Variants in PDE4D observed in about 807,000 individuals in gnomAD.
PDE4D encodes 3',5'-cyclic-AMP phosphodiesterase 4D.
A neutral mutation model predicts 87.4 loss-of-function variants in PDE4D; 24 were observed. The observed-to-expected ratio is 0.27, with a 90% confidence interval of 0.20 to 0.39. The LOEUF is 0.39. Among genes scored for constraint, PDE4D ranks in the 10% least tolerant of loss-of-function variants. The pLI, the probability that PDE4D is intolerant of heterozygous loss-of-function variation, is 1.00. For synonymous variants in PDE4D, 384 were observed against 383.2 expected (o/e 1.00, Z -0.02); for missense variants, 714 against 1,041.0 (o/e 0.69, Z 4.32).
intron 1 of PDE4D, among the ~76,000 whole-genome samples, chr5:60,216,603 A>G (rs541616096): frequency 2.6e-4 from 39 of 152,260 alleles, no homozygotes; most frequent in Non-Finnish European, 5.3e-4. Context: ...TGAAACAAAT[A>G]TTCCATGTAA....
At chr5:59,097,578 A>T (rs1035954629) in intron 5 of PDE4D, among the ~76,000 whole-genome samples, 3 of 152,238 alleles carry the variant, frequency 2.0e-5, no homozygotes, top group Non-Finnish European at 4.4e-5. Flanking sequence ...CAAAACTGAA[A>T]AAAGAATCAT....
chr5:59,613,826 C>G lies in PDE4D; in HGVS notation c.455+279342G>C, dbSNP rs116000487. 2.3e-3 allele frequency among the ~76,000 whole-genome samples: 348 copies of G among 152,186 alleles called. 1 individual carries two copies. Among genetic ancestry groups the G allele is most frequent in the African/African-American group, 7.3e-3 (304 of 41,530 alleles). On this transcript the variant is annotated intron_variant, in intron 1 of 14. Transcript: ENST00000340635. The stretch of plus-strand genomic sequence containing the variant: ...ATAAGAGAGAAACAAGAGGAAAGAA[C>G]AAATGCCAGAACTTATGAAATCTTC...
chr5:60,267,228 ATCT>A (rs1480177718), intron 1 of PDE4D, among the ~76,000 whole-genome samples: 1 of 152,190 alleles, frequency 6.6e-6, no homozygotes, highest in Non-Finnish European at 1.5e-5. Context: ...AGGAGAGGAA[ATCT>A]TCATCAGGGC....
intron 6 of PDE4D, among the ~76,000 whole-genome samples, chr5:59,028,568 A>G (rs1403810643): frequency 6.6e-6 from 1 of 151,588 alleles, no homozygotes; most frequent in Non-Finnish European, 1.5e-5. Context: ...TGAAGCACAG[A>G]AGGCAACGTG....
At chr5:59,062,182 T>C (rs1173152627) in intron 5 of PDE4D, among the ~76,000 whole-genome samples, 1 of 152,174 alleles carries the variant, frequency 6.6e-6, no homozygotes, top group Non-Finnish European at 1.5e-5. Flanking sequence ...TCCTAATGAA[T>C]GCTAGCTAGC....
At chr5:59,853,371 C>T (rs909984948) in intron 1 of PDE4D, among the ~76,000 whole-genome samples, 2 of 148,078 alleles carry the variant, frequency 1.4e-5, no homozygotes, top group Non-Finnish European at 2.9e-5. Flanking sequence ...AGAAGGGAGT[C>T]TTAAATGTAA....
chr5:59,326,846 C>A (rs1775761971), intron 1 of PDE4D, among the ~76,000 whole-genome samples: 1 of 152,100 alleles, frequency 6.6e-6, no homozygotes. Flanking sequence ...TAAGATGATT[C>A]CTAAATTCCT....
intron 1 of PDE4D, among the ~76,000 whole-genome samples, chr5:59,309,023 G>C (rs998840198): frequency 2.0e-5 from 3 of 152,052 alleles, no homozygotes; most frequent in Non-Finnish European, 4.4e-5. Context: ...TCAGGGAAGT[G>C]GGGGAAAGCC....
intron 3 of PDE4D, among the ~76,000 whole-genome samples, chr5:59,947,300 G>C (rs998950923): frequency 1.3e-5 from 2 of 152,168 alleles, no homozygotes; most frequent in Non-Finnish European, 2.9e-5. Context: ...GGAAGGCAAG[G>C]CTCAGCAGGT....
rs112882571 is a variant in PDE4D at position 59,529,865 on chromosome 5, G to A, written c.456-313897C>T. On this transcript the variant is annotated intron_variant, in intron 1 of 14. Coordinates refer to ENST00000340635, the MANE Select transcript of PDE4D (RefSeq NM_001104631.2). ...ATAGATATGCTAGTGCACTGTATTC[G>A]GAAAAATGTGAGTTCATATGGACCT... Among the ~76,000 whole-genome samples the A allele has an allele frequency of 1.8e-3, 280 of 152,168 alleles. 3 individuals are homozygous for A. The highest frequency in any genetic ancestry group is 6.4e-3 in the African/African-American group (266 of 41,538).
At chr5:59,896,405 T>C (rs1751660181), upstream of PDE4D, among the ~76,000 whole-genome samples, 2 of 152,022 alleles carry the variant, frequency 1.3e-5, no homozygotes, top group Middle Eastern at 3.4e-3. Context: ...AGAGCAGTGA[T>C]TCCAAACTTT....
At position 59,827,904 on chromosome 5, in the gene PDE4D, C is replaced by T. The variant is rs535356747; in HGVS notation, c.455+65264G>A. On this transcript the variant is annotated intron_variant, in intron 1 of 14. Coordinates refer to ENST00000340635, the MANE Select transcript of PDE4D (RefSeq NM_001104631.2). ...AAAAAATTGGCTCTTGGAATTATCTCTGCCATTTCCACTTGTATTAAGACA... is the reference window on the plus strand; with the variant it reads ...AAAAAATTGGCTCTTGGAATTATCTTTGCCATTTCCACTTGTATTAAGACA... 1.6e-3 allele frequency among the ~76,000 whole-genome samples: 244 copies of T among 152,192 alleles called. 1 individual carries two copies. The highest frequency in any genetic ancestry group is 8.7e-3 in the South Asian group (42 of 4,832).
chr5:59,079,809 C>A (rs1326689631), intron 5 of PDE4D, among the ~76,000 whole-genome samples: 3 of 137,044 alleles, frequency 2.2e-5, no homozygotes, highest in African/African-American at 7.9e-5. Context: ...TACACTCTAC[C>A]CAGTGTCAAG....
At chr5:59,920,256 G>A (rs1009653717) in intron 3 of PDE4D, among the ~76,000 whole-genome samples, 2 of 152,084 alleles carry the variant, frequency 1.3e-5, no homozygotes, top group African/African-American at 2.4e-5. Flanking sequence ...TAAGAATACC[G>A]AAATTATTAA....
intron 1 of PDE4D, among the ~76,000 whole-genome samples, chr5:59,848,806 G>T (rs771481716): frequency 7.2e-5 from 11 of 151,972 alleles, no homozygotes; most frequent in Non-Finnish European, 1.5e-4. Flanking sequence ...AATAAAATCC[G>T]TAACCGGGGT....
At chr5:60,024,326 A>T (rs1561991730) in intron 2 of PDE4D, among the ~76,000 whole-genome samples, 1 of 152,216 alleles carries the variant, frequency 6.6e-6, no homozygotes, top group African/African-American at 2.4e-5. Context: ...CTGTGTACAG[A>T]CATGAAACTA....
chr5:59,981,890 T>C (rs1761965233), intron 3 of PDE4D, among the ~76,000 whole-genome samples: 1 of 152,302 alleles, frequency 6.6e-6, no homozygotes, highest in African/African-American at 2.4e-5. Context: ...CAGGAATAAA[T>C]TGCTGAAAAC....
In PDE4D at chr5:60,038,357, C is replaced by T. The variant is rs537874035; in HGVS notation, c.43-49640G>A. Among the ~76,000 whole-genome samples, 874 of 152,222 alleles carry T rather than the reference C, an allele frequency of 5.7e-3. 12 individuals are homozygous for T. Among genetic ancestry groups the T allele is most frequent in the African/African-American group, 0.02 (840 of 41,540 alleles). On this transcript the variant is annotated intron_variant, in intron 2 of 16. Coordinates refer to the PDE4D transcript ENST00000502484. The stretch of plus-strand genomic sequence containing the variant: ...TTTCTACATATGGCTAGCCAGTTTT[C>T]CCAGCACCATTTATTAAATAGGGAA...
At chr5:59,564,503 T>A (rs933768274) in intron 1 of PDE4D, among the ~76,000 whole-genome samples, 1 of 151,994 alleles carries the variant, frequency 6.6e-6, no homozygotes, top group African/African-American at 2.4e-5. Context: ...GAAGAAAAAA[T>A]TAAGAGACAC....
Sources: allele counts gnomAD v4.1 joint callset (sites outside exome capture counted in the v4.1 genomes callset), GRCh38; gene constraint gnomAD v4.1.1; transcripts MANE v1.5; gene names NCBI Gene and HGNC (gene_info 2026-07-23, HGNC 2026-07-21).